Variants in CWC25 observed in about 807,000 individuals in gnomAD.
The protein encoded by CWC25 is pre-mRNA-splicing factor CWC25 homolog.
In CWC25, 31 loss-of-function variants were observed where a neutral mutation model predicts 54.6. That is an observed-to-expected ratio of 0.57 (90% CI 0.43 to 0.77). The LOEUF (loss-of-function observed/expected upper bound fraction) is 0.77, where lower values mean the gene tolerates loss of function less well. Among genes scored for constraint, CWC25 ranks in the 30% least tolerant of loss-of-function variants. The pLI, the probability that CWC25 is intolerant of heterozygous loss-of-function variation, is 0.00. For missense variants in CWC25, 453 were observed against 529.3 expected (o/e 0.86, Z 1.41); for synonymous variants, 151 against 187.0 (o/e 0.81, Z 1.57).
At chr17:38,815,481 T>A in intron 2 of CWC25, 1 of 420,470 alleles carries the variant, frequency 2.4e-6, no homozygotes, top group South Asian at 1.8e-5. Context: ...CACTTGAACC[T>A]GGGAGGCAGA....
intron 7 of CWC25, 140 bp downstream of exon 7, chr17:38,806,625 A>C: frequency 1.1e-6 from 1 of 869,974 alleles, no homozygotes; most frequent in African/African-American, 1.7e-5. Flanking sequence ...AGGTGGAAAA[A>C]AAAAATGATG....
At chr17:38,814,478 C>T (rs1334503584) in intron 3 of CWC25, among the ~76,000 whole-genome samples, 3 of 150,974 alleles carry the variant, frequency 2.0e-5, no homozygotes, top group Non-Finnish European at 4.4e-5. Context: ...TGGTGGCTCA[C>T]GCCTGTAATC....
chr17:38,819,533 A>ATT (rs779646563), intron 2 of CWC25, among the ~76,000 whole-genome samples: 3 of 137,246 alleles, frequency 2.2e-5, no homozygotes, highest in South Asian at 2.3e-4. Flanking sequence ...CGCCCAGTTA[A>ATT]TTTTTTTTTT....
In CWC25 at chr17:38,802,129, G is replaced by A. The variant is rs1007669546; in HGVS notation, c.1241C>T (p.Thr414Ile). Residue 414 changes from threonine to isoleucine, a missense_variant, in exon 10 of 10, where the codon ACT becomes ATT. By Grantham distance (89) the Thr-to-Ile change is moderately conservative. Around this residue, in one of 2 missense-constraint regions of CWC25, gnomAD observed 444 missense variants for 499.2 expected, o/e 0.89. Transcript: ENST00000614790. Reference protein sequence around the residue: ...VKRNIYSLQRTSVALEKNFMK... With the variant: ...VKRNIYSLQRISVALEKNFMK... ...AAAGTTCTTCTCCAGAGCTACCGAA[G>A]TTCTCTGTAAAGAGTAGATATTCCG... The A allele has an allele frequency of 1.2e-6, 2 of 1,613,662 alleles. No individual in the cohort carries two copies. The highest frequency in any genetic ancestry group is 2.2e-5 in the East Asian group (1 of 44,888).
rs563751330 is a variant in CWC25 at position 38,802,937 on chromosome 17, C to T, written c.1002-76G>A. 1.4e-5 allele frequency: 22 copies of T among 1,558,740 alleles called. 1 individual carries two copies. Among genetic ancestry groups the T allele is most frequent in the Middle Eastern group, 3.4e-4 (2 of 5,884 alleles). ...GAAGCAGCACAAGAAGCACAGAAGC[C>T]AGGTGGGACCCCAAGCTCTCCAGTT... is the stretch of plus-strand genomic sequence containing the variant. On this transcript the variant is annotated intron_variant, in intron 8 of 9. Coordinates refer to ENST00000614790, the MANE Select transcript of CWC25 (RefSeq NM_017748.5).
rs1023730398 is a variant in CWC25 at position 38,801,229 on chromosome 17, G to A, written c.*863C>T. 6.6e-5 allele frequency: 10 copies of A among 152,074 alleles called. No homozygotes were observed. The highest frequency in any genetic ancestry group is 2.4e-4 in the African/African-American group (10 of 41,396). 9.4% of individuals were successfully genotyped at this position (152,074 alleles called of 1,614,324 possible). On this transcript the variant is annotated 3_prime_UTR_variant, in exon 10 of 10. Coordinates refer to ENST00000614790, the MANE Select transcript of CWC25 (RefSeq NM_017748.5). ...ATTTTATTTTCCTTTAGGAGCCATG[G>A]AGCATATTGGCAATTTGGTTCTGAC...
chr17:38,803,947 A>T (rs1911128311), intron 8 of CWC25, among the ~76,000 whole-genome samples: 1 of 152,020 alleles, frequency 6.6e-6, no homozygotes, highest in South Asian at 2.1e-4. Context: ...TGGAAGGCTG[A>T]GGTAGGAGGA....
chr17:38,802,981 C>T (rs1402344710), intron 8 of CWC25, 120 bp from the exon 9 acceptor site: 1 of 1,139,128 alleles, frequency 8.8e-7, no homozygotes, highest in Non-Finnish European at 1.3e-6. Context: ...TCTCCAAGTG[C>T]AAGGCCAGCC....
chr17:38,822,849 A>AG (rs1911979115), intron 1 of CWC25, among the ~76,000 whole-genome samples: 1 of 130,190 alleles, frequency 7.7e-6, no homozygotes, highest in Non-Finnish European at 1.6e-5. Flanking sequence ...ACGCCTGGCC[A>AG]ATTTTTTTTT....
intron 8 of CWC25, among the ~76,000 whole-genome samples, chr17:38,804,733 G>A (rs757997114): frequency 1.2e-4 from 17 of 144,268 alleles, no homozygotes; most frequent in Non-Finnish European, 1.8e-4. Context: ...GCTGGAACCC[G>A]GGAGGCAGAG....
chr17:38,808,054 TC>T (rs1911324082), intron 6 of CWC25, among the ~76,000 whole-genome samples: 1 of 79,028 alleles, frequency 1.3e-5, no homozygotes, highest in African/African-American at 5.6e-5. Context: ...AGACTCCATC[TC>T]AAAAAAAAAA....
rs771498637 is a variant in CWC25 at position 38,806,852 on chromosome 17, C to T, written c.815G>A (p.Ser272Asn). ...CCCTGCTTCCCTGGTGCTCTTCTTG[C>T]TGGCATGTCTTGGGGGTGAGTGGGA... ...SSSHSPPRHASKKSTREAGSR... is the reference protein window; with the variant it reads ...SSSHSPPRHANKKSTREAGSR... Residue 272 changes from serine (S) to asparagine (N), a missense_variant, in exon 7 of 10, where the codon AGC (serine) becomes AAC (asparagine). Transcript: ENST00000614790. 7 of 1,613,664 alleles carry T rather than the reference C, an allele frequency of 4.3e-6. No individual in the cohort carries two copies. In the East Asian group the frequency reaches 1.3e-4, roughly 31 times the overall value.
chr17:38,806,645 T>C, intron 7 of CWC25, 120 bp downstream of exon 7: 1 of 955,572 alleles, frequency 1.0e-6, no homozygotes, highest in South Asian at 1.8e-5. Flanking sequence ...GTAAAGGAAA[T>C]ACCAAAGCAA....
chr17:38,802,009 C>A lies in CWC25; in HGVS notation c.*83G>T. 1 of 798,058 alleles carries A rather than the reference C, an allele frequency of 1.3e-6. No individual in the cohort carries two copies. Among genetic ancestry groups the A allele is most frequent in the South Asian group, 1.8e-5 (1 of 55,524 alleles). The allele number at this position is 798,058 out of a possible 1,614,324, so 49.4% of individuals were successfully genotyped here. On this transcript the variant is annotated 3_prime_UTR_variant, in exon 10 of 10. Coordinates refer to ENST00000614790, the MANE Select transcript of CWC25 (RefSeq NM_017748.5). The stretch of plus-strand genomic sequence containing the variant: ...GTGGTTTGACATCTGTGAAAGAAGT[C>A]ATTTGAACTCTTATAAAGAGAATTA...
intron 2 of CWC25, among the ~76,000 whole-genome samples, chr17:38,817,768 A>G (rs1911760211): frequency 6.6e-6 from 1 of 151,332 alleles, no homozygotes; most frequent in Non-Finnish European, 1.5e-5. Context: ...GCCTGGTGAC[A>G]GAGCGAGACT....
At chr17:38,812,172 G>A (rs921782702) in intron 4 of CWC25, among the ~76,000 whole-genome samples, 7 of 151,856 alleles carry the variant, frequency 4.6e-5, no homozygotes, top group Admixed American at 1.3e-4. Flanking sequence ...CCCAACCTCA[G>A]GTGATCCACC....
chr17:38,816,249 GT>G (rs1911694065), intron 2 of CWC25, among the ~76,000 whole-genome samples: 1 of 151,954 alleles, frequency 6.6e-6, no homozygotes. Context: ...TGACTTTTTT[GT>G]TCTTTTTTTT....
At chr17:38,813,860 G>T (rs1057000961) in intron 3 of CWC25, among the ~76,000 whole-genome samples, 86 of 151,580 alleles carry the variant, frequency 5.7e-4, no homozygotes, top group African/African-American at 1.3e-3. Context: ...TGTTTTTTTT[G>T]TTGTTGTTGT....
chr17:38,819,407 G>A (rs1911833941), intron 2 of CWC25, among the ~76,000 whole-genome samples: 2 of 148,580 alleles, frequency 1.3e-5, no homozygotes, highest in African/African-American at 2.5e-5. Flanking sequence ...TCGCTCTGTC[G>A]CCAGGCTGGA....
Sources: allele counts gnomAD v4.1 joint callset (sites outside exome capture counted in the v4.1 genomes callset), GRCh38; gene constraint gnomAD v4.1.1; regional missense constraint gnomAD v4.1.1; transcripts MANE v1.5; gene names NCBI Gene and HGNC (gene_info 2026-07-23, HGNC 2026-07-21).